The following PTPRM variants were observed in gnomAD, a reference collection of about 807,000 sequenced individuals.
PTPRM encodes the protein receptor-type tyrosine-protein phosphatase mu.
In PTPRM, 47 loss-of-function variants were observed where a neutral mutation model predicts 186.7. The ratio of observed to expected loss-of-function variants is 0.25; its 90% CI spans 0.20 to 0.32. The LOEUF (loss-of-function observed/expected upper bound fraction) is 0.32. PTPRM is among the 10% of genes least tolerant of loss of function. PTPRM has a pLI of 1.00. For synonymous variants in PTPRM, 668 were observed against 674.9 expected, an observed-to-expected ratio of 0.99 and a Z score of 0.16; for missense variants, 1,494 against 1,865.0, an observed-to-expected ratio of 0.80 and a Z score of 3.66.
chr18:8,168,695 T>C (rs562829796), intron 14 of PTPRM, among the ~76,000 whole-genome samples: 1 of 152,198 alleles, frequency 6.6e-6, no homozygotes, highest in Non-Finnish European at 1.5e-5. Context: ...TAATCACAAA[T>C]TGTTTAGATA....
intron 1 of PTPRM, among the ~76,000 whole-genome samples, chr18:7,728,051 C>T (rs1291463028): frequency 6.6e-6 from 1 of 152,172 alleles, no homozygotes; most frequent in Non-Finnish European, 1.5e-5. Context: ...TGTCTCTGGT[C>T]TCTGGCCTAT....
At chr18:8,047,896 G>A (rs953679549) in intron 7 of PTPRM, among the ~76,000 whole-genome samples, 10 of 152,148 alleles carry the variant, frequency 6.6e-5, no homozygotes, top group African/African-American at 2.4e-4. Context: ...GTTTGGGGTA[G>A]CCATTCATAA....
intron 13 of PTPRM, among the ~76,000 whole-genome samples, chr18:8,136,661 A>G (rs544899715): frequency 3.8e-4 from 58 of 152,322 alleles, no homozygotes; most frequent in African/African-American, 1.3e-3. Flanking sequence ...AATACACAAA[A>G]TGTGACTGTA....
chr18:7,917,487 G>T (rs1304663433), intron 4 of PTPRM, among the ~76,000 whole-genome samples: 9 of 152,162 alleles, frequency 5.9e-5, no homozygotes, highest in Admixed American at 4.6e-4. Flanking sequence ...AGTGAGCCCA[G>T]CTCGCGCCAC....
chr18:8,325,305 TC>T (rs1356400009), intron 22 of PTPRM, among the ~76,000 whole-genome samples: 3 of 152,170 alleles, frequency 2.0e-5, no homozygotes, highest in Non-Finnish European at 2.9e-5. Context: ...TTTAATCCTC[TC>T]CCTCCTCCCA....
At chr18:7,759,476 A>G (rs1316625331) in intron 1 of PTPRM, among the ~76,000 whole-genome samples, 1 of 152,238 alleles carries the variant, frequency 6.6e-6, no homozygotes, top group Non-Finnish European at 1.5e-5. Context: ...CTCTCTTGGT[A>G]TATTAAACAT....
At chr18:7,618,804 G>A (rs924913619) in intron 1 of PTPRM, among the ~76,000 whole-genome samples, 1 of 152,194 alleles carries the variant, frequency 6.6e-6, no homozygotes, top group African/African-American at 2.4e-5. Context: ...AGAGGCGATA[G>A]CTCTGAAATA....
chr18:8,261,161 A>G (rs2094627088), intron 19 of PTPRM, among the ~76,000 whole-genome samples: 1 of 152,210 alleles, frequency 6.6e-6, no homozygotes, highest in African/African-American at 2.4e-5. Flanking sequence ...GAGTCAATCA[A>G]TTGGCACAAT....
intron 14 of PTPRM, among the ~76,000 whole-genome samples, chr18:8,207,584 G>C (rs2093948447): frequency 6.6e-6 from 1 of 152,088 alleles, no homozygotes; most frequent in Admixed American, 6.5e-5. Flanking sequence ...AAATCCAAAT[G>C]TCATTTAAAA....
chr18:7,599,918 G>A (rs527414239), intron 1 of PTPRM, among the ~76,000 whole-genome samples: 2 of 152,258 alleles, frequency 1.3e-5, no homozygotes, highest in African/African-American at 2.4e-5. Context: ...CATCCACCTT[G>A]CTCCTGGGAT....
intron 23 of PTPRM, among the ~76,000 whole-genome samples, chr18:8,358,278 C>T (rs1568822475): frequency 6.6e-6 from 1 of 151,100 alleles, no homozygotes; most frequent in Non-Finnish European, 1.5e-5. Flanking sequence ...CACACACATG[C>T]ATACACTTGG....
At chr18:8,152,380 T>G (rs1395133958) in intron 14 of PTPRM, among the ~76,000 whole-genome samples, 2 of 152,132 alleles carry the variant, frequency 1.3e-5, no homozygotes, top group Non-Finnish European at 2.9e-5. Context: ...TATAGATACA[T>G]GCATCTACTC....
At chr18:8,201,559 C>G (rs1331494867) in intron 14 of PTPRM, among the ~76,000 whole-genome samples, 1 of 152,164 alleles carries the variant, frequency 6.6e-6, no homozygotes, top group Non-Finnish European at 1.5e-5. Flanking sequence ...GTGGCTTAAA[C>G]AATGCACATG....
chr18:7,956,093 C>T (rs28560330), intron 7 of PTPRM, among the ~76,000 whole-genome samples: 4,810 of 152,134 alleles, frequency 0.032, 253 homozygotes, highest in African/African-American at 0.11. Flanking sequence ...GTGTTGTTTC[C>T]GTATGGCTAC....
intron 7 of PTPRM, among the ~76,000 whole-genome samples, chr18:7,961,201 G>T (rs1599736602): frequency 1.3e-5 from 2 of 152,178 alleles, no homozygotes; most frequent in Admixed American, 1.3e-4. Context: ...ACCCTATTGT[G>T]CTATCAAATA....
intron 7 of PTPRM, among the ~76,000 whole-genome samples, chr18:7,994,168 A>G (rs1414446510): frequency 2.0e-5 from 3 of 152,088 alleles, no homozygotes; most frequent in Admixed American, 2.0e-4. Flanking sequence ...AGTAGTTACT[A>G]TACTTAGACA....
At chr18:8,173,145 A>G (rs895806094) in intron 14 of PTPRM, among the ~76,000 whole-genome samples, 2 of 152,168 alleles carry the variant, frequency 1.3e-5, no homozygotes, top group Admixed American at 6.5e-5. Context: ...ACCATTAACC[A>G]TGTACCTAGA....
intron 2 of PTPRM, among the ~76,000 whole-genome samples, chr18:7,777,980 C>A (rs1287652919): frequency 6.6e-6 from 1 of 152,116 alleles, no homozygotes; most frequent in Non-Finnish European, 1.5e-5. Flanking sequence ...AAGACCCCAT[C>A]TTTATAAATG....
At position 8,391,443 on chromosome 18, in the gene PTPRM, G is replaced by A. The variant is rs78074079; in HGVS notation, c.4209-3033G>A. ...CAATAAACTACCAATATAACACCGT[G>A]GGTGATTCTCACACAGACAACACAG... On this transcript the variant is annotated intron_variant, in intron 31 of 32. Transcript: ENST00000580170. Among the ~76,000 whole-genome samples, 809 of 152,294 alleles carry A rather than the reference G, an allele frequency of 5.3e-3. 16 individuals are homozygous for A. In the East Asian group the frequency reaches 0.069, roughly 13 times the overall value.
Sources: gnomAD v4.1 joint callset for allele counts (sites outside exome capture counted in the v4.1 genomes callset) on GRCh38, gnomAD v4.1.1 for gene constraint, MANE v1.5 for transcripts, NCBI Gene and HGNC (gene_info 2026-07-23, HGNC 2026-07-21) for gene names.